Variants in ADAM18 observed in about 807,000 individuals in gnomAD.
The protein encoded by ADAM18 is disintegrin and metalloproteinase domain-containing protein 18.
A neutral mutation model predicts 94.4 loss-of-function variants in ADAM18; 117 were observed. The observed-to-expected ratio is 1.24, with a 90% CI of 1.07 to 1.45. The LOEUF is 1.45. Ranked by LOEUF, ADAM18 falls within the 40% of genes most tolerant of loss-of-function variation. ADAM18 has a pLI of 0.00. For missense variants in ADAM18, 936 were observed against 880.0 expected (o/e 1.06, Z -0.81); for synonymous variants, 327 against 291.6 (o/e 1.12, Z -1.24).
chr8:39,634,979 C>T (rs1325023309), intron 7 of ADAM18, among the ~76,000 whole-genome samples: 2 of 151,910 alleles, frequency 1.3e-5, no homozygotes, highest in African/African-American at 4.8e-5. Flanking sequence ...ACTTAATGGC[C>T]AATGTGATGG....
chr8:39,623,088 C>T (rs1819659763), intron 6 of ADAM18, among the ~76,000 whole-genome samples: 1 of 152,134 alleles, frequency 6.6e-6, no homozygotes, highest in African/African-American at 2.4e-5. Context: ...TCTTTGCATA[C>T]CACTTAAAAG....
intron 12 of ADAM18, among the ~76,000 whole-genome samples, chr8:39,653,121 T>C (rs561915623): frequency 2.0e-5 from 3 of 152,232 alleles, no homozygotes; most frequent in East Asian, 1.9e-4. Flanking sequence ...ATGGATTGTA[T>C]ACTTGAAAAT....
intron 2 of ADAM18, among the ~76,000 whole-genome samples, chr8:39,590,520 G>A (rs1055800810): frequency 7.9e-5 from 12 of 152,028 alleles, no homozygotes; most frequent in African/African-American, 2.7e-4. Context: ...CACCAGCATG[G>A]CACATGTATA....
chr8:39,606,338 CT>C lies in ADAM18; in HGVS notation c.166del (p.Tyr56ThrfsTer34). ...MIYIITIDGQPYTLHLGKQSF... is the reference protein window; with the variant it reads ...MIYIITIDGQXYTLHLGKQSF... ...TACATCATTACAATTGATGGACAACCTTACACTCTACATCTCGGAAAACAGT... is the reference window on the plus strand; with the variant it reads ...TACATCATTACAATTGATGGACAACCTACACTCTACATCTCGGAAAACAGT... On this transcript the variant is annotated frameshift_variant, in exon 3 of 20. Transcript: ENST00000265707. LOFTEE classifies it high-confidence loss of function. 6.4e-7 allele frequency: 1 copy of C among 1,562,080 alleles called. No individual in the cohort carries two copies. The highest frequency in any genetic ancestry group is 8.7e-7 in the Non-Finnish European group (1 of 1,149,244).
At chr8:39,636,747 C>T (rs572335547) in intron 7 of ADAM18, among the ~76,000 whole-genome samples, 12 of 151,890 alleles carry the variant, frequency 7.9e-5, no homozygotes, top group African/African-American at 2.9e-4. Flanking sequence ...CTACATAACC[C>T]AAACTTTGTA....
chr8:39,601,988 A>G (rs1374269769), intron 2 of ADAM18, among the ~76,000 whole-genome samples: 1 of 152,136 alleles, frequency 6.6e-6, no homozygotes, highest in Non-Finnish European at 1.5e-5. Context: ...TTGTTTTAGC[A>G]TGTAGTAGGA....
chr8:39,666,348 A>G (rs1330510183), intron 13 of ADAM18, among the ~76,000 whole-genome samples: 1 of 151,992 alleles, frequency 6.6e-6, no homozygotes, highest in Non-Finnish European at 1.5e-5. Flanking sequence ...CTACTCAGTT[A>G]TTTTTTGTCT....
chr8:39,661,810 T>C (rs1401455053), intron 12 of ADAM18, among the ~76,000 whole-genome samples: 1 of 152,002 alleles, frequency 6.6e-6, no homozygotes, highest in Non-Finnish European at 1.5e-5. Flanking sequence ...GGTGAGTGGG[T>C]ACAAAACAGA....
intron 16 of ADAM18, among the ~76,000 whole-genome samples, chr8:39,683,478 G>T (rs1041579472): frequency 1.3e-5 from 2 of 152,096 alleles, no homozygotes; most frequent in Non-Finnish European, 2.9e-5. Flanking sequence ...TATATTTTTG[G>T]TTCTATGAGA....
Position 39,669,549 on chromosome 8 carries a change from G to C in ADAM18, c.1525+1353G>C, listed in dbSNP as rs191108269. 1.3e-4 allele frequency among the ~76,000 whole-genome samples: 18 copies of C among 143,196 alleles called. No homozygotes were observed. The East Asian group carries it at 3.7e-3, about 30-fold the overall frequency. 93.9% of individuals were successfully genotyped at this position (143,196 alleles called of 152,430 possible). ...CTCATTGTTCAATTTCCACCTATGA[G>C]TGAGAACATGTGGTGTTTGGTTTTT... On this transcript the variant is annotated intron_variant, in intron 14 of 19. Transcript: ENST00000265707.
chr8:39,663,723 G>C (rs1206084136), intron 12 of ADAM18, 72 bp from the exon 13 acceptor site: 1 of 802,796 alleles, frequency 1.2e-6, no homozygotes, highest in Non-Finnish European at 2.0e-6. Flanking sequence ...ATATTAAATT[G>C]AAATTGAGAT....
intron 12 of ADAM18, among the ~76,000 whole-genome samples, chr8:39,648,925 T>TAAAATA (rs1820455155): frequency 6.6e-6 from 1 of 152,190 alleles, no homozygotes; most frequent in Non-Finnish European, 1.5e-5. Flanking sequence ...AACATTATAA[T>TAAAATA]GAGGTTTTTA....
intron 2 of ADAM18, among the ~76,000 whole-genome samples, chr8:39,592,692 A>G (rs1424472066): frequency 6.6e-6 from 1 of 152,178 alleles, no homozygotes; most frequent in East Asian, 1.9e-4. Context: ...GGACTCCAAA[A>G]TGGGGGATGG....
intron 18 of ADAM18, among the ~76,000 whole-genome samples, chr8:39,721,295 G>T (rs955828198): frequency 6.6e-6 from 1 of 151,396 alleles, no homozygotes; most frequent in East Asian, 1.9e-4. Flanking sequence ...TTAAATGTAA[G>T]ACTTGAAAGT....
intron 18 of ADAM18, among the ~76,000 whole-genome samples, chr8:39,717,490 C>T (rs1391173166): frequency 6.6e-6 from 1 of 151,744 alleles, no homozygotes; most frequent in Admixed American, 6.6e-5. Context: ...AGAACTCCCT[C>T]TAGAATTTTT....
At chr8:39,611,901 T>C (rs1276810824) in intron 6 of ADAM18, among the ~76,000 whole-genome samples, 2 of 152,042 alleles carry the variant, frequency 1.3e-5, no homozygotes. Flanking sequence ...CAAACATTTT[T>C]AACAGACACA....
In ADAM18 at chr8:39,663,846, T is replaced by C; in HGVS notation, c.1282T>C (p.Ser428Pro). ...CDYNTCKLKG[S>P]VKCGSGPCCT... ...TTATAACACATGTAAACTGAAGGGC[T>C]CAGTAAAATGTGGTTCTGGACCATG... The change falls in exon 13 of 20, where the codon TCA (serine) becomes CCA (proline). Residue 428 changes from serine (S) to proline (P), a missense_variant. Transcript: ENST00000265707. The C allele has an allele frequency of 6.2e-7, 1 of 1,612,538 alleles. No homozygotes were observed. Among genetic ancestry groups the C allele is most frequent in the Non-Finnish European group, 8.5e-7 (1 of 1,179,644 alleles).
At chr8:39,621,683 C>T (rs2129578815) in intron 6 of ADAM18, among the ~76,000 whole-genome samples, 1 of 152,030 alleles carries the variant, frequency 6.6e-6, no homozygotes, top group South Asian at 2.1e-4. Context: ...ACCTAAATGC[C>T]CATCAGTAAT....
In ADAM18 at chr8:39,586,451, A is replaced by G. The variant is rs542965922; in HGVS notation, c.132+1099A>G. On this transcript the variant is annotated intron_variant, in intron 2 of 19. Transcript: ENST00000265707. Reference sequence around the variant, plus strand: ...CTTTCTGTTGAAGAATTATTTGCATAAGTTATTTTCTGCCAACACAATCCC... The same window carrying G: ...CTTTCTGTTGAAGAATTATTTGCATGAGTTATTTTCTGCCAACACAATCCC... Among the ~76,000 whole-genome samples, 4 of 152,290 alleles carry G rather than the reference A, an allele frequency of 2.6e-5. No homozygotes were observed. In the East Asian group the frequency reaches 5.8e-4, roughly 22 times the overall value.
Sources: gnomAD v4.1 joint callset for allele counts (sites outside exome capture counted in the v4.1 genomes callset) on GRCh38, gnomAD v4.1.1 for gene constraint, MANE v1.5 for transcripts, NCBI Gene and HGNC (gene_info 2026-07-23, HGNC 2026-07-21) for gene names.